Variants in PPP2R3C observed in about 807,000 individuals in gnomAD.
PPP2R3C encodes serine/threonine-protein phosphatase 2A regulatory subunit B'' subunit gamma.
In PPP2R3C, 47 loss-of-function variants were observed where a neutral mutation model predicts 63.7. The observed-to-expected ratio is 0.74, with a 90% CI of 0.58 to 0.94. The LOEUF (loss-of-function observed/expected upper bound fraction) is 0.94, where lower values mean the gene tolerates loss of function less well. Among genes scored for constraint, PPP2R3C ranks in the 40% least tolerant of loss-of-function variants. The pLI is 0.00. For missense variants in PPP2R3C, 421 were observed against 518.4 expected (o/e 0.81, Z 1.82); for synonymous variants, 180 against 177.4 (o/e 1.01, Z -0.12).
chr14:35,116,863 G>T, intron 1 of PPP2R3C, 126 bp from the exon 2 acceptor site: 1 of 746,808 alleles, frequency 1.3e-6, no homozygotes, highest in Non-Finnish European at 2.0e-6. Flanking sequence ...CTTCACAATT[G>T]TGCTTAGACA....
intron 1 of PPP2R3C, among the ~76,000 whole-genome samples, chr14:35,119,090 A>C (rs8019351): frequency 0.37 from 53,585 of 146,068 alleles, 9,713 homozygotes; most frequent in Middle Eastern, 0.47. Context: ...CAGGCTGGAG[A>C]GCAGTGTCGT....
intron 1 of PPP2R3C, among the ~76,000 whole-genome samples, chr14:35,121,609 G>A (rs1040419736): frequency 2.9e-4 from 44 of 152,338 alleles, no homozygotes; most frequent in Non-Finnish European, 3.7e-4. Flanking sequence ...AGGTCCTGGT[G>A]GGGTTCAGGC....
intron 7 of PPP2R3C, among the ~76,000 whole-genome samples, chr14:35,098,020 G>A (rs1489017645): frequency 2.0e-5 from 3 of 152,078 alleles, no homozygotes; most frequent in Non-Finnish European, 4.4e-5. Context: ...GTTATGAGAT[G>A]AAAATGAATG....
At chr14:35,092,685 C>T (rs927295658) in intron 10 of PPP2R3C, among the ~76,000 whole-genome samples, 18 of 151,760 alleles carry the variant, frequency 1.2e-4, no homozygotes, top group Non-Finnish European at 2.5e-4. Context: ...AGGCTGGTCT[C>T]AAAACTCCCA....
chr14:35,088,753 T>G (rs1259340957), intron 11 of PPP2R3C, among the ~76,000 whole-genome samples: 1 of 152,148 alleles, frequency 6.6e-6, no homozygotes, highest in Non-Finnish European at 1.5e-5. Context: ...AGACCCAGCT[T>G]TATCATTAGG....
intron 5 of PPP2R3C, 173 bp downstream of exon 5, chr14:35,107,964 ATT>A (rs747669044): frequency 6.1e-6 from 5 of 818,490 alleles, no homozygotes; most frequent in Non-Finnish European, 8.7e-6. Context: ...GGTTTAAAAA[ATT>A]TTTGTTTTTT....
At chr14:35,097,553 GCT>G (rs1019730533) in intron 7 of PPP2R3C, among the ~76,000 whole-genome samples, 23 of 150,050 alleles carry the variant, frequency 1.5e-4, no homozygotes, top group African/African-American at 5.6e-4. Flanking sequence ...TGTGATTTCA[GCT>G]CACTGCAATC....
At chr14:35,105,015 T>C (rs1266439560) in intron 6 of PPP2R3C, among the ~76,000 whole-genome samples, 1 of 150,628 alleles carries the variant, frequency 6.6e-6, no homozygotes, top group African/African-American at 2.4e-5. Flanking sequence ...ATTACAGGCG[T>C]GAGCTACCGT....
At position 35,095,113 on chromosome 14, in the gene PPP2R3C, C is replaced by CTGTTCCATAGCGTGAG. The variant is rs1375167773; in HGVS notation, c.894_909dup (p.Ala304LeufsTer24). The CTGTTCCATAGCGTGAG allele has an allele frequency of 1.2e-6, 2 of 1,610,234 alleles. No homozygotes were observed. The highest frequency in any genetic ancestry group is 4.5e-5 in the East Asian group (2 of 44,870). On this transcript the variant is annotated frameshift_variant, in exon 10 of 13. Coordinates refer to ENST00000261475, the MANE Select transcript of PPP2R3C (RefSeq NM_017917.4). LOFTEE classifies it high-confidence loss of function. ...TCTAAGAAGACATTGGTCATGGTAG[C>CTGTTCCATAGCGTGAG]TGTTCCATAGCGTGAGAGTTCTTCT...
At chr14:35,090,947 C>T (rs556732604) in intron 11 of PPP2R3C, 123 bp downstream of exon 11, 1 of 827,940 alleles carries the variant, frequency 1.2e-6, no homozygotes, top group South Asian at 1.8e-5. Context: ...TATCTCCTGA[C>T]CTTGTGATCC....
intron 1 of PPP2R3C, among the ~76,000 whole-genome samples, chr14:35,120,711 T>C (rs1404820992): frequency 3.3e-5 from 5 of 150,052 alleles, no homozygotes; most frequent in Non-Finnish European, 7.4e-5. Context: ...CTTTGGGAGG[T>C]GGAGGTAGGA....
At chr14:35,092,836 A>C (rs550076690) in intron 10 of PPP2R3C, among the ~76,000 whole-genome samples, 1 of 152,168 alleles carries the variant, frequency 6.6e-6, no homozygotes, top group African/African-American at 2.4e-5. Flanking sequence ...TTCCAATAAG[A>C]AGCTGTCTTG....
At chr14:35,120,868 C>A (rs1434796109) in intron 1 of PPP2R3C, among the ~76,000 whole-genome samples, 1 of 152,002 alleles carries the variant, frequency 6.6e-6, no homozygotes, top group African/African-American at 2.4e-5. Context: ...ATCCCTTGAG[C>A]CCAGGAAATC....
intron 1 of PPP2R3C, among the ~76,000 whole-genome samples, chr14:35,120,392 C>T (rs1471350252): frequency 6.6e-6 from 1 of 151,774 alleles, no homozygotes; most frequent in Non-Finnish European, 1.5e-5. Flanking sequence ...CTATAGGCGC[C>T]CGCCACCACT....
intron 7 of PPP2R3C, among the ~76,000 whole-genome samples, 191 bp from the exon 8 acceptor site, chr14:35,096,955 C>T (rs2046019379): frequency 6.6e-6 from 1 of 152,072 alleles, no homozygotes; most frequent in Non-Finnish European, 1.5e-5. Context: ...TGGCTCACCG[C>T]GTAATTCCAG....
intron 1 of PPP2R3C, chr14:35,117,095 T>C (rs980479278): frequency 6.6e-6 from 3 of 455,820 alleles, no homozygotes; most frequent in African/African-American, 4.0e-5. Context: ...AACGCTGTAG[T>C]AGACACGGAA....
chr14:35,116,769 T>C (rs2046722834), intron 1 of PPP2R3C, 32 bp from the exon 2 acceptor site: 1 of 1,513,306 alleles, frequency 6.6e-7, no homozygotes, highest in Non-Finnish European at 8.9e-7. Flanking sequence ...GGGAGCACTT[T>C]TAAAATCAAG....
chr14:35,111,469 A>C (rs150229221), intron 2 of PPP2R3C, among the ~76,000 whole-genome samples: 8 of 152,322 alleles, frequency 5.3e-5, no homozygotes, highest in African/African-American at 1.9e-4. Context: ...TTATGATTTA[A>C]ATGATAATAG....
intron 6 of PPP2R3C, chr14:35,101,536 C>T (rs1269449190): frequency 6.6e-6 from 1 of 152,138 alleles, no homozygotes; most frequent in Non-Finnish European, 1.5e-5. Context: ...TTAAAATTAA[C>T]TAGTTAATAA....
Sources: gnomAD v4.1 joint callset for allele counts (sites outside exome capture counted in the v4.1 genomes callset) on GRCh38, gnomAD v4.1.1 for gene constraint, MANE v1.5 for transcripts, NCBI Gene and HGNC (gene_info 2026-07-23, HGNC 2026-07-21) for gene names.